Variants in GGNBP2 observed in about 807,000 individuals in gnomAD.
The protein encoded by GGNBP2 is gametogenetin-binding protein 2.
GGNBP2 carries 10 observed loss-of-function variants against 85.9 expected under a neutral mutation model. The observed-to-expected ratio is 0.12, with a 90% CI of 0.07 to 0.20. The LOEUF (loss-of-function observed/expected upper bound fraction) is 0.20, where lower values mean the gene tolerates loss of function less well. GGNBP2 is among the 10% of genes least tolerant of loss of function. The pLI is 1.00. For synonymous variants in GGNBP2, 287 were observed against 285.7 expected, an observed-to-expected ratio of 1.00 and a Z score of -0.05; for missense variants, 595 against 857.8, an observed-to-expected ratio of 0.69 and a Z score of 3.83.
At chr17:36,558,438 AG>A (rs1441390235) in intron 4 of GGNBP2, among the ~76,000 whole-genome samples, 18 of 143,314 alleles carry the variant, frequency 1.3e-4, no homozygotes, top group African/African-American at 3.1e-4. Flanking sequence ...AAAAAAAAAA[AG>A]GTAATAAAAG....
chr17:36,556,051 T>C (rs1221005129), intron 3 of GGNBP2, among the ~76,000 whole-genome samples: 1 of 152,226 alleles, frequency 6.6e-6, no homozygotes, highest in Non-Finnish European at 1.5e-5. Context: ...AAAATGCTTC[T>C]TGGGAATTGT....
intron 7 of GGNBP2, 81 bp downstream of exon 7, chr17:36,578,267 C>T (rs2074611342): frequency 9.6e-7 from 1 of 1,045,580 alleles, no homozygotes; most frequent in African/African-American, 1.6e-5. Flanking sequence ...TCATCACCTT[C>T]TGCCTCAGTA....
At chr17:36,564,766 A>AC (rs1231218455) in intron 5 of GGNBP2, among the ~76,000 whole-genome samples, 1 of 143,244 alleles carries the variant, frequency 7.0e-6, no homozygotes, top group Non-Finnish European at 1.5e-5. Flanking sequence ...CTACATCCCC[A>AC]CCCCCCATAG....
At position 36,589,541 on chromosome 17, in the gene GGNBP2, T is replaced by G. The variant is rs1477687316; in HGVS notation, c.*130T>G. 1.2e-5 allele frequency: 8 copies of G among 677,314 alleles called. No homozygotes were observed. The East Asian group carries it at 1.6e-4, about 14-fold the overall frequency. The allele number at this position is 677,314 out of a possible 1,614,324, so 42.0% of individuals were successfully genotyped here. Reference sequence around the variant, plus strand: ...AAATCAATGTGATTCTTTCTTGTTTTGGGAGACGGTGGAGGTATCCTCATT... The same window carrying G: ...AAATCAATGTGATTCTTTCTTGTTTGGGGAGACGGTGGAGGTATCCTCATT... On this transcript the variant is annotated 3_prime_UTR_variant, in exon 14 of 14. Coordinates refer to ENST00000613102, the MANE Select transcript of GGNBP2 (RefSeq NM_024835.5).
chr17:36,586,320 A>T (rs1076184), intron 12 of GGNBP2, 122 bp downstream of exon 12: 151,339 of 1,254,380 alleles, frequency 0.12, 10,132 homozygotes, highest in Middle Eastern at 0.19. Context: ...TGAGTTCTTT[A>T]TGCAGTTCCA....
intron 5 of GGNBP2, among the ~76,000 whole-genome samples, chr17:36,564,798 A>G (rs2074453090): frequency 6.8e-6 from 1 of 146,258 alleles, no homozygotes; most frequent in African/African-American, 2.6e-5. Flanking sequence ...TGTTTAGTCT[A>G]TTTCCAGAGA....
intron 10 of GGNBP2, 127 bp from the exon 11 acceptor site, chr17:36,585,713 T>C (rs2074694251): frequency 1.3e-6 from 1 of 785,194 alleles, no homozygotes; most frequent in South Asian, 2.4e-5. Flanking sequence ...AAATCCTTCA[T>C]TGGAAATGTT....
intron 10 of GGNBP2, 187 bp downstream of exon 10, chr17:36,585,637 A>C (rs1368301480): frequency 1.6e-6 from 1 of 626,868 alleles, no homozygotes; most frequent in Non-Finnish European, 2.6e-6. Context: ...TATTTTTGAC[A>C]AAAACGAAAA....
intron 4 of GGNBP2, among the ~76,000 whole-genome samples, chr17:36,557,837 G>C (rs2074377707): frequency 6.6e-6 from 1 of 152,222 alleles, no homozygotes; most frequent in Admixed American, 6.5e-5. Context: ...AATAAGGCCG[G>C]GCGCGGTGGC....
intron 5 of GGNBP2, among the ~76,000 whole-genome samples, chr17:36,565,624 G>A (rs898452655): frequency 2.0e-5 from 3 of 152,102 alleles, no homozygotes; most frequent in Non-Finnish European, 2.9e-5. Flanking sequence ...GGGGCTGGGC[G>A]GGGTGGCTCA....
intron 13 of GGNBP2, among the ~76,000 whole-genome samples, chr17:36,587,905 C>G (rs1470806015): frequency 6.6e-6 from 1 of 152,004 alleles, no homozygotes; most frequent in Non-Finnish European, 1.5e-5. Context: ...CTGAGTAGAA[C>G]CATTGACCAT....
At chr17:36,585,716 G>C in intron 10 of GGNBP2, 124 bp from the exon 11 acceptor site, 1 of 798,178 alleles carries the variant, frequency 1.3e-6, no homozygotes, top group Non-Finnish European at 1.9e-6. Context: ...TCCTTCATTG[G>C]AAATGTTCTA....
At chr17:36,569,083 T>C (rs2074497140) in intron 6 of GGNBP2, among the ~76,000 whole-genome samples, 1 of 151,026 alleles carries the variant, frequency 6.6e-6, no homozygotes, top group Non-Finnish European at 1.5e-5. Flanking sequence ...GTCATTAACA[T>C]TTGGAAATTC....
At chr17:36,576,595 A>ATGTGTGTGTGTGTGTGTGTGTGTG (rs71159620) in intron 6 of GGNBP2, 2 of 51,490 alleles carry the variant, frequency 3.9e-5, no homozygotes, top group African/African-American at 1.9e-4. Flanking sequence ...ATATATATAT[A>ATGTGTGTGTGTGTGTGTGTGTGTG]TGTGTGTGTG....
chr17:36,578,329 TTAAAG>T (rs1433849768), intron 7 of GGNBP2, 143 bp downstream of exon 7: 5 of 618,384 alleles, frequency 8.1e-6, no homozygotes, highest in Non-Finnish European at 1.4e-5. Flanking sequence ...TTGCTTCTCT[TTAAAG>T]TATGCATTTC....
intron 4 of GGNBP2, among the ~76,000 whole-genome samples, chr17:36,559,839 A>G (rs954063991): frequency 3.3e-5 from 5 of 151,920 alleles, no homozygotes; most frequent in African/African-American, 9.7e-5. Flanking sequence ...ATTCTATCTT[A>G]TTTATTAATT....
intron 13 of GGNBP2, 21 bp downstream of exon 13, chr17:36,587,266 T>C: frequency 6.2e-7 from 1 of 1,613,280 alleles, no homozygotes; most frequent in Non-Finnish European, 8.5e-7. Flanking sequence ...CATGTGGTCT[T>C]ACTGTACATA....
At chr17:36,582,648 G>A (rs556071834) in intron 9 of GGNBP2, among the ~76,000 whole-genome samples, 1 of 152,250 alleles carries the variant, frequency 6.6e-6, no homozygotes, top group South Asian at 2.1e-4. Context: ...TCCTACTGTA[G>A]TCTGTATAAG....
chr17:36,587,219 G>T lies in GGNBP2; in HGVS notation c.1864G>T (p.Gly622Cys). The T allele has an allele frequency of 6.2e-7, 1 of 1,614,130 alleles. No individual in the cohort carries two copies. Residue 622 changes from glycine (G) to cysteine (C), a missense_variant, in exon 13 of 14, where the codon GGT (glycine) becomes TGT (cysteine). Transcript: ENST00000613102. Reference protein sequence around the residue: ...ETLFGPDSGKGAKSLVELLDE... With the variant: ...ETLFGPDSGKCAKSLVELLDE... ...GTTGTTTGGTCCCGATTCCGGAAAA[G>T]GTGCCAAGAGCTTAGTTGAACTCCT...
Sources: allele counts gnomAD v4.1 joint callset (sites outside exome capture counted in the v4.1 genomes callset), GRCh38; gene constraint gnomAD v4.1.1; transcripts MANE v1.5; gene names NCBI Gene and HGNC (gene_info 2026-07-23, HGNC 2026-07-21).